The following IGFBP3 variants were observed in gnomAD, a reference collection of about 807,000 sequenced individuals.
The protein encoded by IGFBP3 is insulin like growth factor binding protein 3, also known as insulin-like growth factor-binding protein 3.
IGFBP3 carries 9 observed loss-of-function variants against 28.6 expected under a neutral mutation model. The observed-to-expected ratio is 0.31, with a 90% CI of 0.19 to 0.55. The LOEUF is 0.55. Among genes scored for constraint, IGFBP3 ranks in the 20% least tolerant of loss-of-function variants. IGFBP3 has a pLI of 0.93. For synonymous variants in IGFBP3, 185 were observed against 188.2 expected (o/e 0.98, Z 0.14); for missense variants, 382 against 428.9 (o/e 0.89, Z 0.97).
In IGFBP3 at chr7:45,921,244, C is replaced by T. The variant is rs1412858225; in HGVS notation, c.-104G>A. Reference sequence around the variant, plus strand: ...GAATCCAGGCAGGAAGCGGCTGATCCTCAGCGCCCAGCCGCAGTGCTCGCA... The same window carrying T: ...GAATCCAGGCAGGAAGCGGCTGATCTTCAGCGCCCAGCCGCAGTGCTCGCA... On this transcript the variant is annotated 5_prime_UTR_variant, in exon 1 of 5. Transcript: ENST00000613132. 6 of 1,342,806 alleles carry T rather than the reference C, an allele frequency of 4.5e-6. No homozygotes were observed. In the African/African-American group the frequency reaches 7.6e-5, roughly 17 times the overall value. 83.2% of individuals were successfully genotyped at this position (1,342,806 alleles called of 1,614,324 possible).
intron 1 of IGFBP3, 40 bp from the exon 2 acceptor site, chr7:45,917,479 A>G (rs1359224255): frequency 6.8e-7 from 1 of 1,473,880 alleles, no homozygotes; most frequent in Admixed American, 1.9e-5. Flanking sequence ...GAGAGTCATC[A>G]ATATCTATCA....
chr7:45,915,816 C>T (rs1010553128), intron 3 of IGFBP3, among the ~76,000 whole-genome samples: 6 of 152,174 alleles, frequency 3.9e-5, no homozygotes, highest in Admixed American at 6.5e-5. Context: ...GCCAGTGAGT[C>T]GGAGGAAGAC....
rs1041507678 is a variant in IGFBP3, at chr7:45,912,260, G to A, written c.*1590C>T. Reference sequence around the variant, plus strand: ...ACAGCTAAAATATTTTCCCCTTTCAGGATTTTATTATAATAAAATAATTAT... The same window carrying A: ...ACAGCTAAAATATTTTCCCCTTTCAAGATTTTATTATAATAAAATAATTAT... On this transcript the variant is annotated 3_prime_UTR_variant, in exon 5 of 5. Coordinates refer to ENST00000613132, the MANE Select transcript of IGFBP3 (RefSeq NM_000598.5). The A allele has an allele frequency of 4.0e-5, 6 of 151,006 alleles. No homozygotes were observed. The highest frequency in any genetic ancestry group is 1.5e-4 in the African/African-American group (6 of 41,082). 9.4% of individuals were successfully genotyped at this position (151,006 alleles called of 1,614,324 possible).
intron 1 of IGFBP3, chr7:45,920,394 C>T (rs1033146977): frequency 3.6e-6 from 1 of 281,074 alleles, no homozygotes; most frequent in Non-Finnish European, 6.6e-6. Context: ...CCGTGTGCAC[C>T]CCCGTGCGGG....
chr7:45,917,048 C>G (rs1035392792), intron 2 of IGFBP3, 165 bp downstream of exon 2: 2 of 623,642 alleles, frequency 3.2e-6, no homozygotes, highest in Non-Finnish European at 5.7e-6. Flanking sequence ...GGTCAATATT[C>G]TTTATGTAAG....
intron 1 of IGFBP3, chr7:45,919,901 C>T (rs1784660241): frequency 2.0e-5 from 3 of 147,948 alleles, no homozygotes; most frequent in Admixed American, 2.0e-4. Context: ...CTGGGGCTCC[C>T]CTTAACAACA....
chr7:45,914,713 T>C (rs1583669351), intron 4 of IGFBP3, 92 bp downstream of exon 4: 1 of 1,279,642 alleles, frequency 7.8e-7, no homozygotes, highest in Non-Finnish European at 1.1e-6. Flanking sequence ...TCTGTAAGCC[T>C]GGGGAAGGGC....
rs763660920 is a variant in IGFBP3 at position 45,914,849 on chromosome 7, C to G, written c.847G>C (p.Val283Leu). ...PGYTTKGKED[V>L]HCYSMQSK ...TTGCTCTGCATGCTGTAGCAGTGCACGTCCTCCTTCCCCTTGGTGGTGTAG... is the reference window on the plus strand; with the variant it reads ...TTGCTCTGCATGCTGTAGCAGTGCAGGTCCTCCTTCCCCTTGGTGGTGTAG... The change falls in exon 4 of 5, where the codon GTG becomes CTG. Residue 283 changes from valine to leucine, a missense_variant. Physicochemically the swap from Val to Leu is conservative, Grantham distance 32 (BLOSUM62 1). Transcript: ENST00000613132. The G allele has an allele frequency of 6.2e-7, 1 of 1,614,012 alleles. No individual in the cohort carries two copies. The highest frequency in any genetic ancestry group is 8.5e-7 in the Non-Finnish European group (1 of 1,179,980).
chr7:45,915,631 G>T (rs1446859897), intron 3 of IGFBP3, among the ~76,000 whole-genome samples: 1 of 114,970 alleles, frequency 8.7e-6, no homozygotes, highest in Non-Finnish European at 1.9e-5. Flanking sequence ...ATCATTTTCA[G>T]GTTAATTGGG....
Position 45,917,260 on chromosome 7 carries a change from T to C in IGFBP3, c.583A>G (p.Thr195Ala), listed in dbSNP as rs1184675379. Reference sequence around the variant, plus strand: ...TCGGAGGAGAAGTTCTGGGTATCTGTGCTCTGAGACTCGTAGTCAACTTTG... The same window carrying C: ...TCGGAGGAGAAGTTCTGGGTATCTGCGCTCTGAGACTCGTAGTCAACTTTG... ...RYKVDYESQS[T>A]DTQNFSSESK... Residue 195 changes from threonine to alanine, a missense_variant, in exon 2 of 5, where the codon ACA becomes GCA. Thr to Ala is a moderately conservative substitution (Grantham distance 58). Coordinates refer to ENST00000613132, the MANE Select transcript of IGFBP3 (RefSeq NM_000598.5). The C allele has an allele frequency of 3.1e-6, 5 of 1,614,084 alleles. No individual in the cohort carries two copies. Among genetic ancestry groups the C allele is most frequent in the South Asian group, 1.1e-5 (1 of 91,072 alleles).
chr7:45,920,774 G>A lies in IGFBP3; in HGVS notation c.367C>T (p.Leu123=), dbSNP rs1442711684. ...LCVNASAVSR[L]RAYLLPAPPA... The stretch of plus-strand genomic sequence containing the variant: ...GGCGCTGGCAGCAGGTAGGCGCGCA[G>A]GCGGCTGACGGCACTAGCGTTGACG... Residue 123 remains leucine, a synonymous_variant, in exon 1 of 5, where the codon CTG becomes TTG. Coordinates refer to ENST00000613132, the MANE Select transcript of IGFBP3 (RefSeq NM_000598.5). 2 of 1,420,938 alleles carry A rather than the reference G, an allele frequency of 1.4e-6. No homozygotes were observed. Among genetic ancestry groups the A allele is most frequent in the Non-Finnish European group, 1.8e-6 (2 of 1,095,928 alleles). The allele number at this position is 1,420,938 out of a possible 1,614,324, so 88.0% of individuals were successfully genotyped here.
At chr7:45,918,792 T>A (rs777026577) in intron 1 of IGFBP3, among the ~76,000 whole-genome samples, 10 of 152,202 alleles carry the variant, frequency 6.6e-5, no homozygotes, top group Non-Finnish European at 1.2e-4. Context: ...CTCTCCTCTC[T>A]GGGTCTTAGT....
In IGFBP3 at chr7:45,920,798, C is replaced by G. The variant is rs1469418722; in HGVS notation, c.343G>C (p.Val115Leu). ...QALLDGRGLC[V>L]NASAVSRLRA... ...AGGCGGCTGACGGCACTAGCGTTGA[C>G]GCAGAGCCCGCGGCCGTCCAGCAGC... The change falls in exon 1 of 5, where the codon GTC becomes CTC. Residue 115 changes from valine to leucine, a missense_variant. Val to Leu is a conservative substitution (Grantham distance 32). Transcript: ENST00000613132. 1 of 1,414,264 alleles carries G rather than the reference C, an allele frequency of 7.1e-7. No individual in the cohort carries two copies. 87.6% of individuals were successfully genotyped at this position (1,414,264 alleles called of 1,614,324 possible).
At chr7:45,919,280 CATG>C (rs1249729834) in intron 1 of IGFBP3, among the ~76,000 whole-genome samples, 1 of 152,170 alleles carries the variant, frequency 6.6e-6, no homozygotes, top group Admixed American at 6.5e-5. Flanking sequence ...AGGTGGTAAT[CATG>C]ATGATTGCTA....
At chr7:45,914,776 G>A in intron 4 of IGFBP3, 29 bp downstream of exon 4, 1 of 1,608,092 alleles carries the variant, frequency 6.2e-7, no homozygotes, top group Non-Finnish European at 8.5e-7. Context: ...AGGCCCTGGA[G>A]CCCCAGGCTG....
rs756951692 is a variant in IGFBP3, at chr7:45,914,920, C to G, written c.776G>C (p.Arg259Pro). ...KQCRPSKGRKRGFCWCVDKYG... is the reference protein window; with the variant it reads ...KQCRPSKGRKPGFCWCVDKYG... ...CTTATCCACACACCAGCAGAAGCCC[C>G]GCTTCCTGCCTTTGGAAGGGCGACA... Residue 259 changes from arginine (R) to proline (P), a missense_variant, in exon 4 of 5, where the codon CGG becomes CCG. Coordinates refer to ENST00000613132, the MANE Select transcript of IGFBP3 (RefSeq NM_000598.5). 6.2e-7 allele frequency: 1 copy of G among 1,614,010 alleles called. No homozygotes were observed. Among genetic ancestry groups the G allele is most frequent in the Admixed American group, 1.7e-5 (1 of 60,008 alleles).
chr7:45,921,149 C>A lies in IGFBP3; in HGVS notation c.-9G>T. 1 of 1,502,590 alleles carries A rather than the reference C, an allele frequency of 6.7e-7. No homozygotes were observed. The highest frequency in any genetic ancestry group is 1.5e-5 in the African/African-American group (1 of 68,890). The allele number at this position is 1,502,590 out of a possible 1,614,324, so 93.1% of individuals were successfully genotyped here. On this transcript the variant is annotated 5_prime_UTR_variant, in exon 1 of 5. Coordinates refer to ENST00000613132, the MANE Select transcript of IGFBP3 (RefSeq NM_000598.5). Reference sequence around the variant, plus strand: ...GGTCGCGCCCGCTGCATGACGCCTGCAACCGGGGCACGCTGCTTGGCAGGC... The same window carrying A: ...GGTCGCGCCCGCTGCATGACGCCTGAAACCGGGGCACGCTGCTTGGCAGGC...
At position 45,921,253 on chromosome 7, in the gene IGFBP3, C is replaced by T; in HGVS notation, c.-113G>A. On this transcript the variant is annotated 5_prime_UTR_variant, in exon 1 of 5. Transcript: ENST00000613132. The stretch of plus-strand genomic sequence containing the variant: ...CAGGAAGCGGCTGATCCTCAGCGCC[C>T]AGCCGCAGTGCTCGCATCTGGGCGG... 7.8e-7 allele frequency: 1 copy of T among 1,274,166 alleles called. No homozygotes were observed. Among genetic ancestry groups the T allele is most frequent in the Non-Finnish European group, 1.1e-6 (1 of 924,780 alleles). 78.9% of individuals were successfully genotyped at this position (1,274,166 alleles called of 1,614,324 possible). A position where few individuals can be genotyped will look rare whatever the true frequency, so the allele number is the denominator to read the frequency against.
At chr7:45,919,337 T>G (rs1279803494) in intron 1 of IGFBP3, among the ~76,000 whole-genome samples, 12 of 152,202 alleles carry the variant, frequency 7.9e-5, no homozygotes, top group Admixed American at 7.8e-4. Context: ...TAAGATCACT[T>G]TTTGAATACC....
Sources: gnomAD v4.1 joint callset for allele counts (sites outside exome capture counted in the v4.1 genomes callset) on GRCh38, gnomAD v4.1.1 for gene constraint, MANE v1.5 for transcripts, NCBI Gene and HGNC (gene_info 2026-07-23, HGNC 2026-07-21) for gene names.